GRIA1: variants seen among roughly 807,000 people sequenced by gnomAD.
GRIA1 encodes glutamate ionotropic receptor AMPA type subunit 1.
GRIA1 carries 31 observed loss-of-function variants against 99.2 expected under a neutral mutation model. The ratio of observed to expected loss-of-function variants is 0.31; its 90% CI spans 0.23 to 0.42. The LOEUF is 0.42. Among genes scored for constraint, GRIA1 ranks in the 10% least tolerant of loss-of-function variants. GRIA1 has a pLI of 1.00. For missense variants in GRIA1, 782 were observed against 1,157.5 expected, an observed-to-expected ratio of 0.68 and a Z score of 4.71; for synonymous variants, 438 against 432.4, an observed-to-expected ratio of 1.01 and a Z score of -0.16.
At chr5:153,703,665 A>G (rs1329670250) in intron 10 of GRIA1, among the ~76,000 whole-genome samples, 2 of 152,168 alleles carry the variant, frequency 1.3e-5, no homozygotes, top group Non-Finnish European at 2.9e-5. Flanking sequence ...GCTTGAACCC[A>G]GGAGACAGAG....
intron 13 of GRIA1, among the ~76,000 whole-genome samples, chr5:153,790,894 C>T (rs540543763): frequency 1.3e-5 from 2 of 152,112 alleles, no homozygotes; most frequent in African/African-American, 4.8e-5. Flanking sequence ...TTCCAAGGTT[C>T]CTGGCCTTGG....
At chr5:153,676,883 C>A in intron 6 of GRIA1, 111 bp from the exon 7 acceptor site, 1 of 772,728 alleles carries the variant, frequency 1.3e-6, no homozygotes, top group Non-Finnish European at 1.9e-6. Context: ...ATGCATCTGG[C>A]CCACTGCACA....
At chr5:153,744,037 A>G (rs1245686438) in intron 11 of GRIA1, among the ~76,000 whole-genome samples, 2 of 152,056 alleles carry the variant, frequency 1.3e-5, no homozygotes, top group Non-Finnish European at 2.9e-5. Flanking sequence ...AACAATTCCC[A>G]TTTCCTGAGG....
At chr5:153,683,809 CT>C (rs1444137527) in intron 7 of GRIA1, among the ~76,000 whole-genome samples, 1 of 152,096 alleles carries the variant, frequency 6.6e-6, no homozygotes, top group Non-Finnish European at 1.5e-5. Context: ...GCATTGAAAA[CT>C]TATGTCCCAG....
At chr5:153,557,169 A>G (rs1402480553) in intron 2 of GRIA1, among the ~76,000 whole-genome samples, 1 of 152,234 alleles carries the variant, frequency 6.6e-6, no homozygotes, top group Admixed American at 6.5e-5. Context: ...TGAATGATGA[A>G]TGAATGTGAA....
intron 14 of GRIA1, among the ~76,000 whole-genome samples, chr5:153,795,054 G>T (rs1387956553): frequency 4.6e-5 from 7 of 152,110 alleles, no homozygotes; most frequent in South Asian, 2.1e-4. Context: ...TGAGGGCAGG[G>T]TCTGTGTGCT....
At chr5:153,663,047 T>G (rs1359496689) in intron 5 of GRIA1, among the ~76,000 whole-genome samples, 1 of 151,912 alleles carries the variant, frequency 6.6e-6, no homozygotes, top group Non-Finnish European at 1.5e-5. Flanking sequence ...AAAAGGAGAG[T>G]GGGTGGATAG....
chr5:153,634,933 C>T (rs1245674852), intron 2 of GRIA1, among the ~76,000 whole-genome samples: 2 of 152,166 alleles, frequency 1.3e-5, no homozygotes, highest in Non-Finnish European at 2.9e-5. Flanking sequence ...AACTTCTTAT[C>T]TTCCATAGCT....
intron 12 of GRIA1, among the ~76,000 whole-genome samples, chr5:153,767,922 G>A (rs1460822970): frequency 1.3e-5 from 2 of 152,184 alleles, no homozygotes; most frequent in Non-Finnish European, 2.9e-5. Flanking sequence ...TGTGTGCACA[G>A]CCTTAACATT....
At chr5:153,803,863 C>T (rs1421289946) in intron 15 of GRIA1, among the ~76,000 whole-genome samples, 4 of 152,180 alleles carry the variant, frequency 2.6e-5, no homozygotes, top group South Asian at 2.1e-4. Flanking sequence ...CACACACCTC[C>T]GGGGTCGCCC....
intron 2 of GRIA1, among the ~76,000 whole-genome samples, chr5:153,532,776 C>T (rs1482493513): frequency 6.6e-6 from 1 of 152,142 alleles, no homozygotes; most frequent in East Asian, 1.9e-4. Context: ...AGAGTCAATA[C>T]CTGCGGTCAA....
chr5:153,568,589 T>C (rs1761858232), intron 2 of GRIA1, among the ~76,000 whole-genome samples: 1 of 152,164 alleles, frequency 6.6e-6, no homozygotes, highest in South Asian at 2.1e-4. Context: ...CTTTCTTTCT[T>C]TGGCTCACAG....
chr5:153,522,568 A>T (rs978502378), intron 2 of GRIA1, among the ~76,000 whole-genome samples: 1 of 152,160 alleles, frequency 6.6e-6, no homozygotes, highest in African/African-American at 2.4e-5. Flanking sequence ...GTCCAACACA[A>T]AATGGTGGGG....
In GRIA1 at chr5:153,616,171, A is replaced by T. The variant is rs573578281; in HGVS notation, c.221-30757A>T. Among the ~76,000 whole-genome samples, 27 of 151,958 alleles carry T rather than the reference A, an allele frequency of 1.8e-4. 1 individual carries two copies. In the South Asian group the frequency reaches 5.6e-3, roughly 32 times the overall value. On this transcript the variant is annotated intron_variant, in intron 2 of 15. Coordinates refer to ENST00000285900, the MANE Select transcript of GRIA1 (RefSeq NM_000827.4). ...TATGCTGCTTACTTGGGTATGAAAT[A>T]CTCCATCCCTCACCTGCCACAATCC...
intron 14 of GRIA1, among the ~76,000 whole-genome samples, chr5:153,798,153 A>G (rs1383947532): frequency 1.3e-5 from 2 of 152,092 alleles, no homozygotes; most frequent in African/African-American, 4.8e-5. Context: ...AGTGCATTCC[A>G]CCTTTTGACA....
intron 13 of GRIA1, among the ~76,000 whole-genome samples, chr5:153,783,157 G>A (rs961899348): frequency 6.6e-6 from 1 of 152,170 alleles, no homozygotes; most frequent in African/African-American, 2.4e-5. Flanking sequence ...CGGACCTGCT[G>A]GCCTCCCCTG....
intron 2 of GRIA1, among the ~76,000 whole-genome samples, chr5:153,620,370 A>G (rs1766922555): frequency 6.6e-6 from 1 of 151,970 alleles, no homozygotes; most frequent in South Asian, 2.1e-4. Flanking sequence ...TGCGACAAGC[A>G]CTTAAAGGAA....
chr5:153,688,515 C>G (rs1561769355), intron 8 of GRIA1, among the ~76,000 whole-genome samples: 1 of 152,168 alleles, frequency 6.6e-6, no homozygotes, highest in Non-Finnish European at 1.5e-5. Context: ...AGCGCCTGAT[C>G]ACTGTTCAGT....
intron 2 of GRIA1, among the ~76,000 whole-genome samples, chr5:153,496,786 A>G (rs1754474935): frequency 6.6e-6 from 1 of 152,218 alleles, no homozygotes; most frequent in Admixed American, 6.5e-5. Flanking sequence ...TATTCAGACT[A>G]ATTTTCTGTG....
Sources: allele counts gnomAD v4.1 joint callset (sites outside exome capture counted in the v4.1 genomes callset), GRCh38; gene constraint gnomAD v4.1.1; transcripts MANE v1.5; gene names NCBI Gene and HGNC (gene_info 2026-07-23, HGNC 2026-07-21).